ERMARD: variants seen among roughly 807,000 people sequenced by gnomAD.
The protein encoded by ERMARD is ER membrane associated RNA degradation.
ERMARD carries 71 observed loss-of-function variants against 83.9 expected under a neutral mutation model. The observed-to-expected ratio is 0.85, with a 90% CI of 0.70 to 1.03. ERMARD has a LOEUF of 1.03. ERMARD is among the 50% of genes least tolerant of loss of function. The pLI is 0.00. For missense variants in ERMARD, 838 were observed against 810.9 expected, an observed-to-expected ratio of 1.03 and a Z score of -0.41; for synonymous variants, 284 against 298.6, an observed-to-expected ratio of 0.95 and a Z score of 0.50.
At chr6:169,780,935 A>G (rs7756953) in intron 17 of ERMARD, among the ~76,000 whole-genome samples, 46,491 of 152,066 alleles carry the variant, frequency 0.31, 8,281 homozygotes, top group African/African-American at 0.49. Flanking sequence ...TGACTTGAGT[A>G]TGCTTGGATT....
chr6:169,772,139 C>T (rs1792998228), intron 12 of ERMARD: 1 of 152,486 alleles, frequency 6.6e-6, no homozygotes, highest in East Asian at 1.9e-4. Flanking sequence ...ACTGGTCTGC[C>T]CACCGACTTC....
chr6:169,773,498 T>C (rs939572089), intron 13 of ERMARD, 96 bp downstream of exon 13: 16 of 1,265,614 alleles, frequency 1.3e-5, no homozygotes, highest in Admixed American at 1.8e-5. Flanking sequence ...GCTTGCTGAG[T>C]CAGACTTTGA....
At chr6:169,760,331 TGTA>T (rs1297541689) in intron 7 of ERMARD, among the ~76,000 whole-genome samples, 2 of 152,208 alleles carry the variant, frequency 1.3e-5, no homozygotes, top group Non-Finnish European at 2.9e-5. Flanking sequence ...CAGAAATACT[TGTA>T]GTAATATCAA....
intron 1 of ERMARD, 25 bp downstream of exon 1, chr6:169,751,688 C>T (rs1285158520): frequency 3.2e-6 from 5 of 1,544,736 alleles, no homozygotes; most frequent in Non-Finnish European, 4.4e-6. Flanking sequence ...GGGCCCGGTT[C>T]GATCCCGAGC....
intron 12 of ERMARD, chr6:169,770,685 T>C (rs535417131): frequency 6.6e-6 from 1 of 152,274 alleles, no homozygotes; most frequent in African/African-American, 2.4e-5. Context: ...AGTGGTGCAG[T>C]CATGGCTCAT....
upstream of ERMARD, chr6:169,751,563 G>A (rs925376351): frequency 6.2e-7 from 1 of 1,609,316 alleles, no homozygotes; most frequent in East Asian, 2.2e-5. Flanking sequence ...CGCCTCGTAC[G>A]GTAGGAAGTG....
intron 16 of ERMARD, among the ~76,000 whole-genome samples, chr6:169,777,706 A>G (rs984658430): frequency 6.6e-6 from 1 of 152,208 alleles, no homozygotes; most frequent in Non-Finnish European, 1.5e-5. Flanking sequence ...GCAGTGAGTG[A>G]TGGCAGTCCA....
chr6:169,776,065 C>G lies in ERMARD; in HGVS notation c.1520C>G (p.Thr507Arg), dbSNP rs369069511. 1.2e-6 allele frequency: 2 copies of G among 1,613,042 alleles called. No individual in the cohort carries two copies. The highest frequency in any genetic ancestry group is 2.7e-5 in the African/African-American group (2 of 75,016). ...LKDLDRLPTETWPQLLRELCS... is the reference protein window; with the variant it reads ...LKDLDRLPTERWPQLLRELCS... Reference sequence around the variant, plus strand: ...GACTTGGATCGTCTTCCTACTGAGACGTAAGTTCCAGGACATCCTGACAAC... The same window carrying G: ...GACTTGGATCGTCTTCCTACTGAGAGGTAAGTTCCAGGACATCCTGACAAC... The change falls in exon 15 of 18, where the codon ACG becomes AGG. Residue 507 changes from threonine to arginine, a missense_variant and splice_region_variant. Coordinates refer to ENST00000366773, the MANE Select transcript of ERMARD (RefSeq NM_018341.3).
chr6:169,765,539 A>C lies in ERMARD; in HGVS notation c.961-1099A>C, dbSNP rs557465578. Reference sequence around the variant, plus strand: ...AGAAGCTAATGTGTGTAGTTGATGTAGGTAAATGAAAAATTCTGCTTTTTG... The same window carrying C: ...AGAAGCTAATGTGTGTAGTTGATGTCGGTAAATGAAAAATTCTGCTTTTTG... On this transcript the variant is annotated intron_variant, in intron 9 of 17. Coordinates refer to ENST00000366773, the MANE Select transcript of ERMARD (RefSeq NM_018341.3). Among the ~76,000 whole-genome samples, 54 of 152,330 alleles carry C rather than the reference A, an allele frequency of 3.5e-4. No homozygotes were observed. The Middle Eastern group carries it at 0.01, about 29-fold the overall frequency.
intron 9 of ERMARD, among the ~76,000 whole-genome samples, chr6:169,766,080 G>A (rs1792169666): frequency 6.6e-6 from 1 of 152,092 alleles, no homozygotes; most frequent in Non-Finnish European, 1.5e-5. Flanking sequence ...TTTTGAGATA[G>A]GCATTCTTAA....
At chr6:169,773,943 T>G (rs1359442890) in intron 13 of ERMARD, among the ~76,000 whole-genome samples, 1 of 152,176 alleles carries the variant, frequency 6.6e-6, no homozygotes, top group Non-Finnish European at 1.5e-5. Flanking sequence ...TCATGACAGT[T>G]GTGCAGGTGA....
At chr6:169,768,033 C>G in intron 10 of ERMARD, 70 bp from the exon 11 acceptor site, 1 of 1,273,118 alleles carries the variant, frequency 7.9e-7, no homozygotes, top group South Asian at 1.2e-5. Flanking sequence ...CTATATCCAT[C>G]AACTCTGAAA....
chr6:169,754,366 G>C (rs1414663216), intron 2 of ERMARD, among the ~76,000 whole-genome samples: 1 of 152,150 alleles, frequency 6.6e-6, no homozygotes, highest in African/African-American at 2.4e-5. Flanking sequence ...AAAATGACCA[G>C]TAATAGATTA....
chr6:169,753,598 G>T (rs1790433770), intron 1 of ERMARD, among the ~76,000 whole-genome samples: 1 of 151,618 alleles, frequency 6.6e-6, no homozygotes, highest in African/African-American at 2.4e-5. Flanking sequence ...ATAAACAATG[G>T]CTACCCCATA....
intron 17 of ERMARD, among the ~76,000 whole-genome samples, chr6:169,781,055 G>A (rs1306103556): frequency 2.6e-5 from 4 of 152,150 alleles, no homozygotes; most frequent in African/African-American, 9.7e-5. Flanking sequence ...CTGGAATGAC[G>A]GCCGTCATGT....
chr6:169,775,768 C>A, intron 14 of ERMARD, 172 bp from the exon 15 acceptor site: 3 of 813,010 alleles, frequency 3.7e-6, no homozygotes, highest in South Asian at 1.9e-5. Flanking sequence ...TGGCATATGG[C>A]ATCGTTTGTT....
chr6:169,775,313 C>G lies in ERMARD; in HGVS notation c.1361C>G (p.Pro454Arg). 1.2e-6 allele frequency: 2 copies of G among 1,614,198 alleles called. No individual in the cohort carries two copies. The highest frequency in any genetic ancestry group is 1.7e-6 in the Non-Finnish European group (2 of 1,180,030). Residue 454 changes from proline (P) to arginine (R), a missense_variant, in exon 14 of 18, where the codon CCT becomes CGT. Transcript: ENST00000366773. The stretch of plus-strand genomic sequence containing the variant: ...AGCATCAGGGTTTGGGCTCTGCTGC[C>G]TTTCCCCGAAGAACTCACTCGGCAA... Reference protein sequence around the residue: ...EESIRVWALLPFPEELTRQAV... With the variant: ...EESIRVWALLRFPEELTRQAV...
intron 1 of ERMARD, among the ~76,000 whole-genome samples, chr6:169,752,160 G>A (rs1790202845): frequency 6.6e-6 from 1 of 152,246 alleles, no homozygotes; most frequent in African/African-American, 2.4e-5. Flanking sequence ...GGTGGAGGCT[G>A]CAGTGAGCCG....
chr6:169,754,182 A>G (rs1317973967), intron 2 of ERMARD, 150 bp downstream of exon 2: 2 of 746,054 alleles, frequency 2.7e-6, no homozygotes, highest in African/African-American at 1.8e-5. Context: ...ATCAATGTGA[A>G]AAGAGAGGGA....
Sources: gnomAD v4.1 joint callset for allele counts (sites outside exome capture counted in the v4.1 genomes callset) on GRCh38, gnomAD v4.1.1 for gene constraint, MANE v1.5 for transcripts, NCBI Gene and HGNC (gene_info 2026-07-23, HGNC 2026-07-21) for gene names.